Variants in LRP1B observed in about 807,000 individuals in gnomAD.
LRP1B encodes low-density lipoprotein receptor-related protein 1B.
A neutral mutation model predicts 556.6 loss-of-function variants in LRP1B; 217 were observed. That is an observed-to-expected ratio of 0.39 (90% CI 0.35 to 0.44). The LOEUF is 0.44. LRP1B is among the 20% of genes least tolerant of loss of function. LRP1B has a pLI of 1.00. For synonymous variants in LRP1B, 2,047 were observed against 1,865.8 expected (o/e 1.10, Z -2.50); for missense variants, 5,053 against 5,620.8 (o/e 0.90, Z 3.23).
Position 140,284,293 on chromosome 2 carries a change from TC to T in LRP1B, c.12968-9696del, listed in dbSNP as rs1202962924. ...GATTTTCATTAACAAATACATGGCT[TC>T]CCCCCCTCCCCCCCAAAAAAAAACC... is the stretch of plus-strand genomic sequence containing the variant. On this transcript the variant is annotated intron_variant, in intron 84 of 90. Coordinates refer to ENST00000389484, the MANE Select transcript of LRP1B (RefSeq NM_018557.3). 3.4e-3 allele frequency among the ~76,000 whole-genome samples: 358 copies of T among 105,154 alleles called. 2 individuals are homozygous for T. The highest frequency in any genetic ancestry group is 0.012 in the African/African-American group (338 of 27,712). The allele number at this position is 105,154 out of a possible 152,430, so 69.0% of individuals were successfully genotyped here.
intron 20 of LRP1B, among the ~76,000 whole-genome samples, chr2:140,926,373 G>T (rs540726723): frequency 1.3e-4 from 20 of 151,974 alleles, no homozygotes; most frequent in African/African-American, 3.9e-4. Flanking sequence ...ACAGGGTCTT[G>T]CTCTGTCACC....
intron 46 of LRP1B, among the ~76,000 whole-genome samples, chr2:140,536,117 G>A (rs960988809): frequency 3.3e-5 from 5 of 151,486 alleles, no homozygotes; most frequent in South Asian, 2.1e-4. Context: ...TGAATAAGTC[G>A]GGGGTTCAAA....
chr2:141,277,295 GA>G, intron 3 of LRP1B, among the ~76,000 whole-genome samples: 1 of 152,248 alleles, frequency 6.6e-6, no homozygotes, highest in South Asian at 2.1e-4. Flanking sequence ...AGTCTTGCCA[GA>G]ATCTGTTATT....
intron 7 of LRP1B, among the ~76,000 whole-genome samples, chr2:141,150,363 C>A (rs1422099475): frequency 6.6e-6 from 1 of 152,166 alleles, no homozygotes; most frequent in Admixed American, 6.5e-5. Flanking sequence ...GAAATCTGAG[C>A]AGGTTTCTGC....
chr2:141,852,526 A>G (rs866641018), intron 1 of LRP1B, among the ~76,000 whole-genome samples: 1 of 151,840 alleles, frequency 6.6e-6, no homozygotes, highest in African/African-American at 2.4e-5. Context: ...AAGAGTTATT[A>G]AAATGTAATA....
chr2:140,343,722 A>G lies in LRP1B; in HGVS notation c.11892+7075T>C, dbSNP rs550284680. ...TCATAAATAGGTAAATAGCTAATCA[A>G]ATGATGGTATATCCACGTAACAGCC... On this transcript the variant is annotated intron_variant, in intron 77 of 90. Coordinates refer to ENST00000389484, the MANE Select transcript of LRP1B (RefSeq NM_018557.3). 2.6e-5 allele frequency among the ~76,000 whole-genome samples: 4 copies of G among 151,840 alleles called. No homozygotes were observed. The South Asian group carries it at 8.3e-4, about 31-fold the overall frequency.
rs148643244 is a variant in LRP1B, at chr2:141,739,055, C to A, written c.205+71224G>T. Among the ~76,000 whole-genome samples the A allele has an allele frequency of 9.6e-4, 146 of 152,166 alleles. 3 individuals carry two copies. Among genetic ancestry groups the A allele is most frequent in the Middle Eastern group, 3.4e-3 (1 of 294 alleles). Reference sequence around the variant, plus strand: ...TGTAAATGAACATTTACTTCCTACTCAGAGTTCTAAGGAGCAACAAAAGCA... The same window carrying A: ...TGTAAATGAACATTTACTTCCTACTAAGAGTTCTAAGGAGCAACAAAAGCA... On this transcript the variant is annotated intron_variant, in intron 2 of 90. Transcript: ENST00000389484.
chr2:140,792,292 T>C (rs1690150000), intron 32 of LRP1B, among the ~76,000 whole-genome samples: 1 of 152,182 alleles, frequency 6.6e-6, no homozygotes, highest in Admixed American at 6.5e-5. Flanking sequence ...TTTGTTAGTT[T>C]AATTCATAAG....
intron 1 of LRP1B, among the ~76,000 whole-genome samples, chr2:141,991,722 G>A (rs1702350246): frequency 6.6e-6 from 1 of 152,022 alleles, no homozygotes; most frequent in Non-Finnish European, 1.5e-5. Flanking sequence ...AGGAATCAGG[G>A]AAGATTCAAA....
intron 86 of LRP1B, 40 bp downstream of exon 86, chr2:140,270,202 G>C (rs1347230443): frequency 7.2e-7 from 1 of 1,392,764 alleles, no homozygotes; most frequent in Admixed American, 1.7e-5. Context: ...TACATACAAA[G>C]GCTTATTATA....
At chr2:141,945,413 C>T (rs1700924402) in intron 1 of LRP1B, among the ~76,000 whole-genome samples, 1 of 151,928 alleles carries the variant, frequency 6.6e-6, no homozygotes, top group Non-Finnish European at 1.5e-5. Context: ...CTTTTAACGG[C>T]CCCACTCTAA....
intron 7 of LRP1B, among the ~76,000 whole-genome samples, chr2:141,159,619 T>G (rs1031197230): frequency 2.0e-5 from 3 of 152,014 alleles, no homozygotes; most frequent in African/African-American, 7.2e-5. Flanking sequence ...TTGGAAAAAT[T>G]AAGTGTTGCC....
At chr2:140,392,250 C>T (rs1271264357) in intron 66 of LRP1B, among the ~76,000 whole-genome samples, 1 of 151,948 alleles carries the variant, frequency 6.6e-6, no homozygotes, top group East Asian at 1.9e-4. Flanking sequence ...ACAATTTGCT[C>T]ACAAGGAAAT....
chr2:141,902,402 C>T (rs915809588), intron 1 of LRP1B, among the ~76,000 whole-genome samples: 1 of 151,902 alleles, frequency 6.6e-6, no homozygotes, highest in African/African-American at 2.4e-5. Flanking sequence ...ATAACTATGG[C>T]AGAGATTAGT....
intron 58 of LRP1B, 23 bp downstream of exon 58, chr2:140,487,594 C>T (rs2105366486): frequency 6.3e-7 from 1 of 1,583,078 alleles, no homozygotes; most frequent in African/African-American, 1.4e-5. Context: ...TTCAACAATC[C>T]CATCATTGTA....
chr2:140,544,242 T>C (rs982622739), intron 43 of LRP1B, among the ~76,000 whole-genome samples: 3 of 148,360 alleles, frequency 2.0e-5, no homozygotes, highest in Non-Finnish European at 4.5e-5. Flanking sequence ...TGTAGGTAAA[T>C]TTGTATCACA....
At chr2:140,622,804 T>G (rs923279592) in intron 41 of LRP1B, among the ~76,000 whole-genome samples, 1 of 152,232 alleles carries the variant, frequency 6.6e-6, no homozygotes, top group Non-Finnish European at 1.5e-5. Flanking sequence ...TAATCAGTTC[T>G]GTATTTGATC....
rs2105706873 is a variant in LRP1B, at chr2:141,810,222, G to A, written c.205+57C>T. Reference sequence around the variant, plus strand: ...ACAGCAGTCATCTGTGAAAACAACTGACATTTAGTTTCACATGTAAGGTAA... The same window carrying A: ...ACAGCAGTCATCTGTGAAAACAACTAACATTTAGTTTCACATGTAAGGTAA... On this transcript the variant is annotated intron_variant, in intron 2 of 90. Coordinates refer to ENST00000389484, the MANE Select transcript of LRP1B (RefSeq NM_018557.3). The A allele has an allele frequency of 2.6e-6, 4 of 1,566,662 alleles. No homozygotes were observed. The Admixed American group carries it at 6.8e-5, about 27-fold the overall frequency.
chr2:140,980,180 T>C (rs1383428477), intron 18 of LRP1B, among the ~76,000 whole-genome samples: 2 of 152,256 alleles, frequency 1.3e-5, no homozygotes, highest in East Asian at 1.9e-4. Context: ...ATTTTCCTAA[T>C]TGTTTTCATG....
Sources: gnomAD v4.1 joint callset for allele counts (sites outside exome capture counted in the v4.1 genomes callset) on GRCh38, gnomAD v4.1.1 for gene constraint, MANE v1.5 for transcripts, NCBI Gene and HGNC (gene_info 2026-07-23, HGNC 2026-07-21) for gene names.